Variants in NEXMIF observed in about 807,000 individuals in gnomAD.
The protein encoded by NEXMIF is XLMR protein related to neurite extension.
A neutral mutation model predicts 62.1 loss-of-function variants in NEXMIF; 8 were observed. The ratio of observed to expected loss-of-function variants is 0.13; its 90% CI spans 0.08 to 0.23. The LOEUF (loss-of-function observed/expected upper bound fraction) is 0.23. Ranked by LOEUF, NEXMIF falls within the 10% of genes least tolerant of loss-of-function variation. The probability of loss-of-function intolerance (pLI) is 1.00; values close to 1 mark genes in which losing one functional copy is unlikely to be tolerated. For missense variants in NEXMIF, 976 were observed against 1,113.3 expected, an observed-to-expected ratio of 0.88 and a Z score of 1.75; for synonymous variants, 404 against 416.6, an observed-to-expected ratio of 0.97 and a Z score of 0.37.
intron 1 of NEXMIF, among the ~76,000 whole-genome samples, chrX:74,773,353 A>C (rs1290974963): frequency 8.9e-6 from 1 of 112,152 alleles, no homozygotes; most frequent in Non-Finnish European, 1.9e-5. Context: ...ACTCAGTAAA[A>C]GTTAAGTAAC....
intron 1 of NEXMIF, among the ~76,000 whole-genome samples, chrX:74,787,442 C>T (rs2080264738): frequency 9.0e-6 from 1 of 111,454 alleles, no homozygotes; most frequent in Non-Finnish European, 1.9e-5. Context: ...ACTTTTTGGT[C>T]TGGGTTTCAG....
chrX:74,855,526 A>G (rs1454975616), intron 1 of NEXMIF, among the ~76,000 whole-genome samples: 1 of 111,894 alleles, frequency 8.9e-6, no homozygotes, highest in Non-Finnish European at 1.9e-5. Context: ...CTATGGGGCG[A>G]TTTGAAAAAC....
chrX:74,886,152 G>A (rs1202225609), intron 1 of NEXMIF, among the ~76,000 whole-genome samples: 1 of 111,257 alleles, frequency 9.0e-6, no homozygotes, highest in African/African-American at 3.3e-5. Context: ...CGTATCTCAA[G>A]ATAATAAGAG....
At chrX:74,818,371 G>T (rs974237245) in intron 1 of NEXMIF, among the ~76,000 whole-genome samples, 2 of 111,625 alleles carry the variant, frequency 1.8e-5, no homozygotes. Flanking sequence ...AAGCAATGGG[G>T]AAAGGACTCC....
chrX:74,908,573 C>T (rs1028326809), intron 1 of NEXMIF, among the ~76,000 whole-genome samples: 9 of 112,817 alleles, frequency 8.0e-5, no homozygotes, highest in African/African-American at 2.9e-4. Flanking sequence ...AATGTCATGG[C>T]ATCCCCACTA....
At chrX:74,868,792 T>A (rs1029703288) in intron 1 of NEXMIF, among the ~76,000 whole-genome samples, 22 of 110,253 alleles carry the variant, frequency 2.0e-4, no homozygotes, top group East Asian at 5.7e-4. Flanking sequence ...AAAATAAAAT[T>A]AAATTAAAAT....
At chrX:74,772,552 C>G (rs1197284940) in intron 1 of NEXMIF, among the ~76,000 whole-genome samples, 2 of 112,620 alleles carry the variant, frequency 1.8e-5, no homozygotes, top group Admixed American at 9.4e-5. Context: ...TTCTCTCCAG[C>G]CCCTCCTTGG....
chrX:74,865,242 G>A (rs1489347738), intron 1 of NEXMIF, among the ~76,000 whole-genome samples: 1 of 111,539 alleles, frequency 9.0e-6, no homozygotes, highest in Admixed American at 9.6e-5. Flanking sequence ...ATAGTGATAT[G>A]GACAATAAGA....
intron 1 of NEXMIF, among the ~76,000 whole-genome samples, chrX:74,772,878 G>T (rs1223006304): frequency 1.8e-5 from 2 of 111,305 alleles, no homozygotes; most frequent in African/African-American, 6.5e-5. Context: ...TATTTCTTGG[G>T]GAAATAACTG....
rs143954548 is a variant in NEXMIF, at chrX:74,816,891, G to A, written c.-47-71194C>T. 8.8e-3 allele frequency among the ~76,000 whole-genome samples: 991 copies of A among 112,166 alleles called. 14 individuals carry two copies. The highest frequency in any genetic ancestry group is 0.03 in the African/African-American group (943 of 30,955). On this transcript the variant is annotated intron_variant, in intron 1 of 3. Transcript: ENST00000055682. ...AAACTTTTCCAACAACTTAAATCAT[G>A]TTATAATCTGTGAGTAGTAACATAT... is the stretch of plus-strand genomic sequence containing the variant.
At chrX:74,766,575 T>C (rs1251250351) in intron 1 of NEXMIF, among the ~76,000 whole-genome samples, 1 of 112,247 alleles carries the variant, frequency 8.9e-6, no homozygotes, top group African/African-American at 3.2e-5. Flanking sequence ...TTCAGCTCTA[T>C]CAGATCTGTT....
intron 1 of NEXMIF, among the ~76,000 whole-genome samples, chrX:74,885,063 A>G (rs1366999276): frequency 9.0e-6 from 1 of 110,684 alleles, no homozygotes; most frequent in Admixed American, 9.7e-5. Context: ...ACATAATGAA[A>G]TGAAGGCAGA....
chrX:74,874,496 G>T (rs2080620258), intron 1 of NEXMIF, among the ~76,000 whole-genome samples: 1 of 109,690 alleles, frequency 9.1e-6, no homozygotes, highest in African/African-American at 3.3e-5. Context: ...GGTTCCATAT[G>T]AACTTTAAAG....
intron 1 of NEXMIF, among the ~76,000 whole-genome samples, chrX:74,788,118 T>C (rs1445323585): frequency 9.0e-6 from 1 of 111,713 alleles, no homozygotes; most frequent in African/African-American, 3.3e-5. Flanking sequence ...AATTACCCTA[T>C]AAAATCGTTC....
intron 1 of NEXMIF, among the ~76,000 whole-genome samples, chrX:74,869,966 A>T (rs1192879928): frequency 9.0e-6 from 1 of 111,675 alleles, no homozygotes; most frequent in Non-Finnish European, 1.9e-5. Flanking sequence ...TAGAAAAAAA[A>T]ATCCTAAAGT....
chrX:74,804,739 T>A (rs1041670136), intron 1 of NEXMIF, among the ~76,000 whole-genome samples: 3 of 111,588 alleles, frequency 2.7e-5, no homozygotes, highest in African/African-American at 9.8e-5. Context: ...TTGCAAGCAG[T>A]TCCTTAACCA....
chrX:74,772,538 C>A (rs761276168), intron 1 of NEXMIF, among the ~76,000 whole-genome samples: 74 of 112,738 alleles, frequency 6.6e-4, no homozygotes, highest in Non-Finnish European at 2.6e-4. Flanking sequence ...GTCTCTGCTA[C>A]TTTTTCTCTC....
intron 1 of NEXMIF, among the ~76,000 whole-genome samples, chrX:74,874,079 C>G (rs2080616964): frequency 9.2e-6 from 1 of 108,370 alleles, no homozygotes; most frequent in Admixed American, 1.0e-4. Context: ...TGCCTATGTC[C>G]TGAATGGTAA....
chrX:74,847,211 T>C (rs1389598792), intron 1 of NEXMIF, among the ~76,000 whole-genome samples: 2 of 112,204 alleles, frequency 1.8e-5, no homozygotes, highest in African/African-American at 6.5e-5. Flanking sequence ...TCAGTTCAGG[T>C]TAAGAGAGAA....
Sources: allele counts gnomAD v4.1 joint callset (sites outside exome capture counted in the v4.1 genomes callset), GRCh38; gene constraint gnomAD v4.1.1; transcripts MANE v1.5; gene names NCBI Gene and HGNC (gene_info 2026-07-23, HGNC 2026-07-21).